LCK: variants seen among roughly 807,000 people sequenced by gnomAD.
LCK encodes the protein tyrosine-protein kinase Lck.
LCK carries 14 observed loss-of-function variants against 64.6 expected under a neutral mutation model. The ratio of observed to expected loss-of-function variants is 0.22; its 90% CI spans 0.14 to 0.34. The LOEUF is 0.34. Among genes scored for constraint, LCK ranks in the 10% least tolerant of loss-of-function variants. The pLI, the probability that LCK is intolerant of heterozygous loss-of-function variation, is 1.00. For synonymous variants in LCK, 277 were observed against 263.6 expected, an observed-to-expected ratio of 1.05 and a Z score of -0.49; for missense variants, 434 against 668.1, an observed-to-expected ratio of 0.65 and a Z score of 3.86.
At chr1:32,266,745 T>C (rs1342270277) in intron 1 of LCK, among the ~76,000 whole-genome samples, 10 of 9,254 alleles carry the variant, frequency 1.1e-3, no homozygotes, top group Admixed American at 3.6e-3. Flanking sequence ...CTCCCCCTCC[T>C]CTTCCCCCTC....
In LCK at chr1:32,279,838, C is replaced by A; in HGVS notation, c.1042-3C>A. 1.2e-6 allele frequency: 2 copies of A among 1,614,136 alleles called. No homozygotes were observed. The highest frequency in any genetic ancestry group is 1.3e-5 in the African/African-American group (1 of 75,066). On this transcript the variant is annotated splice_polypyrimidine_tract_variant and splice_region_variant and intron_variant, in intron 10 of 12. Coordinates refer to ENST00000336890, the MANE Select transcript of LCK (RefSeq NM_005356.5). ...GGACCGCTGATCTGTGTTTGGCCTG[C>A]AGATTGCAGAAGGCATGGCATTCAT... is the stretch of plus-strand genomic sequence containing the variant.
At chr1:32,257,239 T>G (rs536273821) in intron 1 of LCK, among the ~76,000 whole-genome samples, 2 of 151,858 alleles carry the variant, frequency 1.3e-5, no homozygotes, top group Non-Finnish European at 2.9e-5. Context: ...AGTCTTGTTT[T>G]TTTTTTTTTT....
At chr1:32,273,852 C>T (rs1411640178) in intron 1 of LCK, among the ~76,000 whole-genome samples, 1 of 152,034 alleles carries the variant, frequency 6.6e-6, no homozygotes, top group Non-Finnish European at 1.5e-5. Context: ...TCTTTCTCAG[C>T]CTCCTCAGCT....
chr1:32,264,825 G>A (rs765298776), intron 1 of LCK, among the ~76,000 whole-genome samples: 13 of 151,932 alleles, frequency 8.6e-5, no homozygotes, highest in Non-Finnish European at 1.9e-4. Flanking sequence ...CTCAAACTCC[G>A]GGGCTCAATC....
chr1:32,275,655 A>G lies in LCK; in HGVS notation c.464A>G (p.Glu155Gly). The change falls in exon 6 of 13, where the codon GAG becomes GGG. Residue 155 changes from glutamate (E) to glycine (G), a missense_variant. Physicochemically the swap from Glu to Gly is moderately conservative, Grantham distance 98 (BLOSUM62 -2). This residue lies in a region of LCK where 233 missense variants were observed against 291.2 expected (regional missense o/e 0.80). Coordinates refer to ENST00000336890, the MANE Select transcript of LCK (RefSeq NM_005356.5). This position sits in a 1 kb window ranked among gnomAD's most constrained non-coding sequence, Gnocchi z 6.9. ...GNTHGSFLIR[E>G]SESTAGSFSL... is the part of the protein sequence containing the mutation. ...ACTCACGGCTCCTTCCTCATCCGGG[A>G]GAGCGAGAGCACCGCGGGTGAGCGG... 6.4e-7 allele frequency: 1 copy of G among 1,565,884 alleles called. No individual in the cohort carries two copies. Among genetic ancestry groups the G allele is most frequent in the Non-Finnish European group, 8.6e-7 (1 of 1,156,722 alleles).
intron 1 of LCK, among the ~76,000 whole-genome samples, chr1:32,262,187 G>A (rs1258051464): frequency 2.8e-5 from 4 of 142,314 alleles, no homozygotes; most frequent in African/African-American, 7.7e-5. Flanking sequence ...CCCGGTAGCC[G>A]GACGCCGGCC....
intron 1 of LCK, among the ~76,000 whole-genome samples, chr1:32,255,848 G>C (rs912545830): frequency 6.8e-6 from 1 of 146,264 alleles, no homozygotes; most frequent in African/African-American, 2.6e-5. Flanking sequence ...TGTTGCCCCG[G>C]CTGGGGCACA....
chr1:32,257,453 T>C (rs1302486734), intron 1 of LCK, among the ~76,000 whole-genome samples: 5 of 152,004 alleles, frequency 3.3e-5, no homozygotes, highest in African/African-American at 9.7e-5. Context: ...GGTTTTGCCA[T>C]GTTGCCCAGG....
intron 1 of LCK, among the ~76,000 whole-genome samples, chr1:32,261,374 G>A (rs112599447): frequency 3.3e-5 from 5 of 151,608 alleles, no homozygotes; most frequent in African/African-American, 1.2e-4. Flanking sequence ...GCCGGGCATG[G>A]TGGTGGCTCA....
chr1:32,276,080 C>A lies in LCK; in HGVS notation c.631+17C>A. 2 of 1,613,482 alleles carry A rather than the reference C, an allele frequency of 1.2e-6. No individual in the cohort carries two copies. The highest frequency in any genetic ancestry group is 1.7e-6 in the Non-Finnish European group (2 of 1,179,896). The stretch of plus-strand genomic sequence containing the variant: ...ATTACACCAGTGAGCCCGACGGGAC[C>A]CCTCCCCCGTGCCCTATCAGCCTAT... On this transcript the variant is annotated intron_variant, in intron 7 of 12. Coordinates refer to ENST00000336890, the MANE Select transcript of LCK (RefSeq NM_005356.5). The surrounding 1 kb of genome is among the most constrained non-coding windows in gnomAD (Gnocchi z 4.6).
intron 1 of LCK, among the ~76,000 whole-genome samples, chr1:32,272,587 A>AAGAGAGAGAGAG (rs1165086234): frequency 7.6e-6 from 1 of 131,698 alleles, no homozygotes; most frequent in South Asian, 2.4e-4. Flanking sequence ...GAGAGAGAGA[A>AAGAGAGAGAGAG]AGAGAGAGAG....
At chr1:32,253,107 T>G (rs1050127639) in intron 1 of LCK, among the ~76,000 whole-genome samples, 11 of 152,266 alleles carry the variant, frequency 7.2e-5, no homozygotes, top group African/African-American at 2.6e-4. Context: ...GGCTCACACC[T>G]GTAATCCCAG....
chr1:32,268,917 C>T lies in LCK; in HGVS notation c.-5-5408C>T, dbSNP rs1372690922. Among the ~76,000 whole-genome samples, 5 of 149,800 alleles carry T rather than the reference C, an allele frequency of 3.3e-5. No individual in the cohort carries two copies. The East Asian group carries it at 7.9e-4, about 24-fold the overall frequency. On this transcript the variant is annotated intron_variant, in intron 1 of 12. Coordinates refer to ENST00000336890, the MANE Select transcript of LCK (RefSeq NM_005356.5). ...CTTTGGGAGGCTGAGGTCAGGAGTT[C>T]GAGACCAGCCTGGCCAACGTGGCAA...
intron 2 of LCK, 98 bp downstream of exon 2, chr1:32,274,532 G>A: frequency 1.9e-6 from 2 of 1,057,510 alleles, no homozygotes; most frequent in East Asian, 2.4e-5. Flanking sequence ...AAAGAATAGA[G>A]TGGCCCTCTC....
intron 3 of LCK, 42 bp from the exon 4 acceptor site, chr1:32,274,951 C>A: frequency 6.2e-7 from 1 of 1,614,168 alleles, no homozygotes. Flanking sequence ...GGCTTCCTGC[C>A]GATCCCAGCT....
At chr1:32,271,032 G>T (rs1313380426) in intron 1 of LCK, among the ~76,000 whole-genome samples, 2 of 135,750 alleles carry the variant, frequency 1.5e-5, no homozygotes, top group African/African-American at 2.9e-5. Context: ...ACAGGCTCTC[G>T]CTCTGTTATC....
At position 32,276,117 on chromosome 1, in the gene LCK, C is replaced by G; in HGVS notation, c.631+54C>G. 6.3e-7 allele frequency: 1 copy of G among 1,591,444 alleles called. No individual in the cohort carries two copies. The highest frequency in any genetic ancestry group is 1.7e-5 in the Admixed American group (1 of 59,808). ...CCCTATCAGCCTATCTCCCCTCAGTCCCCCTCAGGTGTCCCCCATCCATCT... is the reference window on the plus strand; with the variant it reads ...CCCTATCAGCCTATCTCCCCTCAGTGCCCCTCAGGTGTCCCCCATCCATCT... On this transcript the variant is annotated intron_variant, in intron 7 of 12. Coordinates refer to ENST00000336890, the MANE Select transcript of LCK (RefSeq NM_005356.5). This position sits in a 1 kb window ranked among gnomAD's most constrained non-coding sequence, Gnocchi z 4.6.
Position 32,274,378 on chromosome 1 carries a change from A to T in LCK, c.49A>T (p.Ile17Phe). The T allele has an allele frequency of 6.2e-7, 1 of 1,614,142 alleles. No homozygotes were observed. ...SHPEDDWMEN[I>F]DVCENCHYPI... ...CCCGGAAGATGACTGGATGGAAAAC[A>T]TCGATGTGTGTGAGAACTGCCATTA... Residue 17 changes from isoleucine (I) to phenylalanine (F), a missense_variant, in exon 2 of 13, where the codon ATC (isoleucine) becomes TTC (phenylalanine). Around this residue, in one of 2 missense-constraint regions of LCK, gnomAD observed 233 missense variants for 291.2 expected, o/e 0.80. Coordinates refer to ENST00000336890, the MANE Select transcript of LCK (RefSeq NM_005356.5).
At position 32,275,508 on chromosome 1, in the gene LCK, A is replaced by T. The variant is rs1640233439; in HGVS notation, c.378-61A>T. 1 of 1,553,136 alleles carries T rather than the reference A, an allele frequency of 6.4e-7. No individual in the cohort carries two copies. The highest frequency in any genetic ancestry group is 1.9e-5 in the Admixed American group (1 of 53,190). ...GGCCTGGGGTGGCGGTGAAGGCTTGAGGGCCACGGAGGAAGATCCGACGAC... is the reference window on the plus strand; with the variant it reads ...GGCCTGGGGTGGCGGTGAAGGCTTGTGGGCCACGGAGGAAGATCCGACGAC... On this transcript the variant is annotated intron_variant, in intron 5 of 12. Transcript: ENST00000336890. The surrounding 1 kb of genome is among the most constrained non-coding windows in gnomAD (Gnocchi z 6.9).
Sources: allele counts gnomAD v4.1 joint callset (sites outside exome capture counted in the v4.1 genomes callset), GRCh38; gene constraint gnomAD v4.1.1; regional missense constraint gnomAD v4.1.1; non-coding constraint Gnocchi (gnomAD v3.1); transcripts MANE v1.5; gene names NCBI Gene and HGNC (gene_info 2026-07-23, HGNC 2026-07-21).